Variants in RBFOX1 observed in about 807,000 individuals in gnomAD.
RBFOX1 encodes RNA binding fox-1 homolog 1.
RBFOX1 carries 8 observed loss-of-function variants against 57.7 expected under a neutral mutation model. That is an observed-to-expected ratio of 0.14 (90% CI 0.08 to 0.25). The LOEUF (loss-of-function observed/expected upper bound fraction) is 0.25, where lower values mean the gene tolerates loss of function less well. Among genes scored for constraint, RBFOX1 ranks in the 10% least tolerant of loss-of-function variants. RBFOX1 has a pLI of 1.00. For synonymous variants in RBFOX1, 326 were observed against 222.4 expected, an observed-to-expected ratio of 1.47 and a Z score of -4.15; for missense variants, 611 against 548.5, an observed-to-expected ratio of 1.11 and a Z score of -1.14.
At chr16:6,892,343 A>C (rs887821182) in intron 3 of RBFOX1, among the ~76,000 whole-genome samples, 5 of 152,170 alleles carry the variant, frequency 3.3e-5, no homozygotes, top group Non-Finnish European at 5.9e-5. Flanking sequence ...AAAGGGGGTT[A>C]TTTTAAGGAG....
intron 2 of RBFOX1, among the ~76,000 whole-genome samples, chr16:5,528,433 C>T (rs1374257537): frequency 6.6e-6 from 1 of 152,112 alleles, no homozygotes; most frequent in Admixed American, 6.5e-5. Context: ...GGGGCCACAT[C>T]TGAGCACAGA....
chr16:6,778,964 T>C (rs1458821695), intron 3 of RBFOX1, among the ~76,000 whole-genome samples: 5 of 152,048 alleles, frequency 3.3e-5, no homozygotes, highest in African/African-American at 1.2e-4. Context: ...CAAATCAAGG[T>C]AATTGAAGTA....
At chr16:6,146,796 C>A (rs567897789) in intron 1 of RBFOX1, among the ~76,000 whole-genome samples, 26 of 152,246 alleles carry the variant, frequency 1.7e-4, no homozygotes, top group African/African-American at 6.0e-4. Context: ...AAGTGAGCAT[C>A]GTCTAAGTAC....
At chr16:6,879,370 C>G (rs2062459183) in intron 3 of RBFOX1, among the ~76,000 whole-genome samples, 1 of 152,184 alleles carries the variant, frequency 6.6e-6, no homozygotes, top group Non-Finnish European at 1.5e-5. Flanking sequence ...TTTCATCTCT[C>G]TCTCTGCCCT....
chr16:5,856,188 T>TCTCTCTCTATATATATAC, intron 3 of RBFOX1, among the ~76,000 whole-genome samples: 1 of 37,988 alleles, frequency 2.6e-5, no homozygotes, highest in South Asian at 1.0e-3. Flanking sequence ...TCTCTCTCTC[T>TCTCTCTCTATATATATAC]ATATATATAT....
At chr16:6,866,504 T>TTAAAA (rs1247100643) in intron 3 of RBFOX1, among the ~76,000 whole-genome samples, 1 of 145,248 alleles carries the variant, frequency 6.9e-6, no homozygotes, top group South Asian at 2.2e-4. Context: ...GGACTTTTTT[T>TTAAAA]AAAAAAAAAA....
At chr16:7,268,985 C>T (rs559298783) in intron 4 of RBFOX1, among the ~76,000 whole-genome samples, 2 of 138,862 alleles carry the variant, frequency 1.4e-5, no homozygotes, top group Non-Finnish European at 3.0e-5. Flanking sequence ...TGCAGTGAGC[C>T]GAGATCACGC....
intron 3 of RBFOX1, among the ~76,000 whole-genome samples, chr16:6,807,051 C>G (rs2087017215): frequency 6.6e-6 from 1 of 151,602 alleles, no homozygotes; most frequent in South Asian, 2.1e-4. Flanking sequence ...CCAGGCTGGT[C>G]TTGAACTCCT....
Position 7,237,210 on chromosome 16 carries a change from G to C in RBFOX1, c.27+185112G>C, listed in dbSNP as rs1236477683. On this transcript the variant is annotated intron_variant, in intron 4 of 15. Transcript: ENST00000550418. ...AAATAACTTCCCTTGCCTGGCATCT[G>C]GGTTCTTGCCTTGTAATCCAGAAGA... Among the ~76,000 whole-genome samples the C allele has an allele frequency of 2.0e-5, 3 of 152,282 alleles. No homozygotes were observed. The East Asian group carries it at 5.8e-4, about 30-fold the overall frequency.
chr16:7,500,656 C>A (rs113035037), intron 4 of RBFOX1, among the ~76,000 whole-genome samples: 1 of 152,194 alleles, frequency 6.6e-6, no homozygotes, highest in African/African-American at 2.4e-5. Flanking sequence ...TTACCTGGCT[C>A]TCAGCTTCTT....
intron 4 of RBFOX1, among the ~76,000 whole-genome samples, chr16:7,299,778 C>T (rs1603580274): frequency 6.6e-6 from 1 of 152,294 alleles, no homozygotes; most frequent in East Asian, 1.9e-4. Flanking sequence ...CACCCCTATC[C>T]CTAGTAGATT....
At chr16:5,531,671 A>G (rs986325966) in intron 2 of RBFOX1, among the ~76,000 whole-genome samples, 1 of 152,176 alleles carries the variant, frequency 6.6e-6, no homozygotes, top group African/African-American at 2.4e-5. Context: ...GATTAAATGA[A>G]TCAATGTGTT....
At chr16:7,164,023 A>G (rs1278331210) in intron 4 of RBFOX1, among the ~76,000 whole-genome samples, 3 of 152,050 alleles carry the variant, frequency 2.0e-5, no homozygotes, top group Admixed American at 6.6e-5. Flanking sequence ...TTACACGAAT[A>G]AGTTCTTTAG....
intron 4 of RBFOX1, among the ~76,000 whole-genome samples, chr16:7,480,333 A>T (rs899869714): frequency 6.6e-6 from 1 of 152,074 alleles, no homozygotes; most frequent in Non-Finnish European, 1.5e-5. Context: ...CTCTCTTTCA[A>T]CCTGAGCTGG....
intron 3 of RBFOX1, among the ~76,000 whole-genome samples, chr16:7,011,089 G>T (rs1388396516): frequency 1.3e-5 from 2 of 150,202 alleles, no homozygotes; most frequent in African/African-American, 4.9e-5. Flanking sequence ...TTTCCTGGGT[G>T]GGAAAGGGTC....
chr16:5,580,205 A>C (rs2046616719), intron 2 of RBFOX1, among the ~76,000 whole-genome samples: 1 of 152,124 alleles, frequency 6.6e-6, no homozygotes, highest in African/African-American at 2.4e-5. Context: ...GGACCCCAAC[A>C]ATGGATGCAT....
intron 11 of RBFOX1, among the ~76,000 whole-genome samples, chr16:7,646,779 T>A (rs1489420200): frequency 6.6e-6 from 1 of 152,218 alleles, no homozygotes; most frequent in Non-Finnish European, 1.5e-5. Flanking sequence ...CCCTCAAGTA[T>A]TTTCCACTGG....
chr16:5,918,201 C>A (rs1279082256), intron 4 of RBFOX1, among the ~76,000 whole-genome samples: 1 of 152,144 alleles, frequency 6.6e-6, no homozygotes, highest in Non-Finnish European at 1.5e-5. Context: ...GTCACTGCAA[C>A]CTCTGCCTCC....
chr16:6,386,405 T>C (rs1280053848), intron 2 of RBFOX1, among the ~76,000 whole-genome samples: 1 of 152,208 alleles, frequency 6.6e-6, no homozygotes, highest in East Asian at 1.9e-4. Context: ...CATCCACTTC[T>C]TGCTGTGTAT....
Sources: gnomAD v4.1 joint callset for allele counts (sites outside exome capture counted in the v4.1 genomes callset) on GRCh38, gnomAD v4.1.1 for gene constraint, MANE v1.5 for transcripts, NCBI Gene and HGNC (gene_info 2026-07-23, HGNC 2026-07-21) for gene names.